SCUBE1: variants seen among roughly 807,000 people sequenced by gnomAD.
SCUBE1 encodes the protein signal peptide, CUB domain and EGF like domain containing 1.
SCUBE1 carries 59 observed loss-of-function variants against 124.4 expected under a neutral mutation model. That is an observed-to-expected ratio of 0.47 (90% CI 0.38 to 0.59). SCUBE1 has a LOEUF of 0.59. SCUBE1 is among the 20% of genes least tolerant of loss of function. SCUBE1 has a pLI of 0.00. For missense variants in SCUBE1, 1,150 were observed against 1,371.2 expected, an observed-to-expected ratio of 0.84 and a Z score of 2.55; for synonymous variants, 545 against 550.9, an observed-to-expected ratio of 0.99 and a Z score of 0.15.
At chr22:43,271,687 A>C (rs139038) in intron 4 of SCUBE1, among the ~76,000 whole-genome samples, 138,874 of 152,110 alleles carry the variant, frequency 0.91, 63,523 homozygotes, top group East Asian at 1. Context: ...GCCTGCCGGG[A>C]ACCAACAGCT....
intron 12 of SCUBE1, 102 bp from the exon 13 acceptor site, chr22:43,221,391 G>T (rs1350267329): frequency 2.2e-5 from 15 of 696,914 alleles, no homozygotes; most frequent in Admixed American, 2.0e-5. Flanking sequence ...GGAGCTGGGG[G>T]TGGGGCTTGA....
rs927577594 is a variant in SCUBE1 at position 43,258,641 on chromosome 22, C to G, written c.611-306G>C. On this transcript the variant is annotated intron_variant, in intron 5 of 21. Transcript: ENST00000360835. This position sits in a 1 kb window ranked among gnomAD's most constrained non-coding sequence, Gnocchi z 5.0. ...CTCAGATGGTGGTAGATGAAGACAG[C>G]TTCATCCTTCTCAGACTGCAGGACA... 3.3e-5 allele frequency among the ~76,000 whole-genome samples: 5 copies of G among 152,234 alleles called. No individual in the cohort carries two copies. Among genetic ancestry groups the G allele is most frequent in the African/African-American group, 9.6e-5 (4 of 41,462 alleles).
intron 2 of SCUBE1, among the ~76,000 whole-genome samples, chr22:43,337,498 C>A (rs1273086289): frequency 1.3e-5 from 2 of 152,230 alleles, no homozygotes; most frequent in African/African-American, 4.8e-5. Flanking sequence ...AGCGAGCTAA[C>A]CTCTGGCCCT....
At chr22:43,228,872 T>C (rs1056595309) in intron 9 of SCUBE1, among the ~76,000 whole-genome samples, 200 bp downstream of exon 9, 3 of 152,324 alleles carry the variant, frequency 2.0e-5, no homozygotes, top group African/African-American at 7.2e-5. Flanking sequence ...CCTCTAACCG[T>C]TCCCTGCTAC....
chr22:43,248,313 C>T (rs1601827156), intron 6 of SCUBE1, among the ~76,000 whole-genome samples: 1 of 152,196 alleles, frequency 6.6e-6, no homozygotes. Flanking sequence ...ACAAGGTGGC[C>T]TGGGTGGGCC....
At chr22:43,252,606 C>T (rs1051106303) in intron 6 of SCUBE1, among the ~76,000 whole-genome samples, 5 of 152,174 alleles carry the variant, frequency 3.3e-5, no homozygotes, top group African/African-American at 7.2e-5. Flanking sequence ...CCCGGAACCC[C>T]GAAAGGGGCT....
chr22:43,294,930 T>C (rs1367513548), intron 3 of SCUBE1, among the ~76,000 whole-genome samples: 1 of 151,942 alleles, frequency 6.6e-6, no homozygotes, highest in African/African-American at 2.4e-5. Context: ...TCAGGCATTA[T>C]CTTAATAAAT....
intron 2 of SCUBE1, among the ~76,000 whole-genome samples, chr22:43,328,095 TG>T (rs1926785956): frequency 1.3e-5 from 2 of 152,152 alleles, no homozygotes; most frequent in South Asian, 4.1e-4. Flanking sequence ...TGGGGTGTGT[TG>T]CTCCCAAGAA....
intron 2 of SCUBE1, among the ~76,000 whole-genome samples, chr22:43,332,014 C>T (rs1305215203): frequency 4.6e-5 from 7 of 152,118 alleles, no homozygotes; most frequent in African/African-American, 1.2e-4. Context: ...TGGCCGGGTG[C>T]GGTGGCTCAT....
intron 6 of SCUBE1, among the ~76,000 whole-genome samples, chr22:43,241,114 C>T (rs1922987308): frequency 6.6e-6 from 1 of 152,176 alleles, no homozygotes; most frequent in Non-Finnish European, 1.5e-5. Context: ...CTTCTCTTCC[C>T]TGAAGTCCCT....
chr22:43,241,959 G>A (rs1006987954), intron 6 of SCUBE1, among the ~76,000 whole-genome samples: 22 of 152,232 alleles, frequency 1.4e-4, no homozygotes, highest in Non-Finnish European at 3.1e-4. Context: ...CGGGGCCTGG[G>A]GCAGGCTGCA....
At chr22:43,288,858 G>C (rs923137875) in intron 4 of SCUBE1, among the ~76,000 whole-genome samples, 7 of 152,352 alleles carry the variant, frequency 4.6e-5, no homozygotes, top group Middle Eastern at 3.4e-3. Context: ...GCCTGGCTCA[G>C]AGTAAGCGTG....
At chr22:43,292,556 AACACAC>A (rs3985926) in intron 3 of SCUBE1, among the ~76,000 whole-genome samples, 71 of 139,678 alleles carry the variant, frequency 5.1e-4, no homozygotes, top group South Asian at 4.7e-3. Flanking sequence ...CCCGGTCCCT[AACACAC>A]ACACACACAC....
At chr22:43,267,777 C>T (rs139033) in intron 4 of SCUBE1, among the ~76,000 whole-genome samples, 180 of 152,352 alleles carry the variant, frequency 1.2e-3, no homozygotes, top group South Asian at 2.9e-3. Flanking sequence ...GTGGCATGCC[C>T]TCTCTGCCCT....
chr22:43,262,593 C>A (rs567174134), intron 5 of SCUBE1, 127 bp downstream of exon 5: 2 of 1,112,402 alleles, frequency 1.8e-6, no homozygotes, highest in East Asian at 2.4e-5. Context: ...ACAGGCCCTG[C>A]CCTTCTCTCC....
In SCUBE1 at chr22:43,339,675, C is replaced by T. The variant is rs1396559036; in HGVS notation, c.89-440G>A. ...CACTCCAGCCCTCCCCCATTCTCCTCACTCTATCCCCCCACAAGCATTGCT... is the reference window on the plus strand; with the variant it reads ...CACTCCAGCCCTCCCCCATTCTCCTTACTCTATCCCCCCACAAGCATTGCT... On this transcript the variant is annotated intron_variant, in intron 1 of 21. Coordinates refer to ENST00000360835, the MANE Select transcript of SCUBE1 (RefSeq NM_173050.5). Among the ~76,000 whole-genome samples, 70 of 99,658 alleles carry T rather than the reference C, an allele frequency of 7.0e-4. 1 individual carries two copies. Among genetic ancestry groups the T allele is most frequent in the African/African-American group, 2.4e-3 (59 of 25,072 alleles). The allele number at this position is 99,658 out of a possible 152,430, so 65.4% of individuals were successfully genotyped here.
chr22:43,221,879 C>T (rs1160539305), intron 12 of SCUBE1, among the ~76,000 whole-genome samples: 2 of 152,166 alleles, frequency 1.3e-5, no homozygotes, highest in Non-Finnish European at 2.9e-5. Flanking sequence ...GCCTGACCAA[C>T]ATGGTGAAAC....
At chr22:43,263,541 G>A (rs1181620996) in intron 4 of SCUBE1, among the ~76,000 whole-genome samples, 2 of 152,160 alleles carry the variant, frequency 1.3e-5, no homozygotes, top group Non-Finnish European at 2.9e-5. Flanking sequence ...TGCAGACGGC[G>A]AACACGCACA....
chr22:43,303,267 A>G (rs1029613236), intron 3 of SCUBE1, among the ~76,000 whole-genome samples: 2 of 151,904 alleles, frequency 1.3e-5, no homozygotes, highest in Non-Finnish European at 2.9e-5. Context: ...ACCTGTCCTC[A>G]CCTACCAGGT....
Sources: gnomAD v4.1 joint callset for allele counts (sites outside exome capture counted in the v4.1 genomes callset) on GRCh38, gnomAD v4.1.1 for gene constraint, Gnocchi (gnomAD v3.1) non-coding constraint, MANE v1.5 for transcripts, NCBI Gene and HGNC (gene_info 2026-07-23, HGNC 2026-07-21) for gene names.